The following LYPD6B variants were observed in gnomAD, a reference collection of about 807,000 sequenced individuals.
LYPD6B encodes LY6/PLAUR domain containing 6B.
LYPD6B carries 17 observed loss-of-function variants against 22.8 expected under a neutral mutation model. The ratio of observed to expected loss-of-function variants is 0.75; its 90% CI spans 0.51 to 1.12. The LOEUF (loss-of-function observed/expected upper bound fraction) is 1.12. Among genes scored for constraint, LYPD6B ranks in the 50% most tolerant of loss-of-function variants. The pLI, the probability that LYPD6B is intolerant of heterozygous loss-of-function variation, is 0.00. For missense variants in LYPD6B, 221 were observed against 258.3 expected (o/e 0.86, Z 0.99); for synonymous variants, 106 against 91.6 (o/e 1.16, Z -0.90).
intron 1 of LYPD6B, among the ~76,000 whole-genome samples, chr2:149,066,685 A>G (rs764850916): frequency 3.0e-4 from 46 of 152,024 alleles, no homozygotes; most frequent in Non-Finnish European, 7.4e-5. Flanking sequence ...TGTTGTGTAT[A>G]TGGCATAACA....
intron 3 of LYPD6B, chr2:149,187,443 C>G: frequency 6.5e-7 from 1 of 1,530,152 alleles, no homozygotes; most frequent in Non-Finnish European, 8.8e-7. Flanking sequence ...AGGCATTGTA[C>G]AGAAGAAGAT....
chr2:149,179,017 A>G (rs559905064), intron 3 of LYPD6B, among the ~76,000 whole-genome samples: 174 of 152,324 alleles, frequency 1.1e-3, no homozygotes, highest in Non-Finnish European at 2.1e-3. Flanking sequence ...TAGATTGCCA[A>G]GTTTGGGAGT....
At chr2:149,189,342 T>TTATATATATATATATATATATA (rs770703554) in intron 3 of LYPD6B, among the ~76,000 whole-genome samples, 1,597 of 64,712 alleles carry the variant, frequency 0.025, 142 homozygotes, top group East Asian at 0.048. Flanking sequence ...TTGTCCAAAA[T>TTATATATATATATATATATATA]TATATATATA....
chr2:149,125,116 T>G (rs895125536), intron 1 of LYPD6B, among the ~76,000 whole-genome samples: 6 of 152,300 alleles, frequency 3.9e-5, no homozygotes, highest in Non-Finnish European at 7.4e-5. Flanking sequence ...AAACTTTTCA[T>G]GTTGCCTCAT....
At position 149,111,619 on chromosome 2, in the gene LYPD6B, A is replaced by G. The variant is rs80122041; in HGVS notation, c.-66-19264A>G. 0.016 allele frequency among the ~76,000 whole-genome samples: 2,401 copies of G among 152,294 alleles called. 277 individuals are homozygous for G. The East Asian group carries it at 0.32, about 20-fold the overall frequency. On this transcript the variant is annotated intron_variant, in intron 1 of 6. Transcript: ENST00000409642. Reference sequence around the variant, plus strand: ...TGACATGGTGAGTTTGAGATTTTCTATAAAGTGTTAAGGAGGCAGTTGGAC... The same window carrying G: ...TGACATGGTGAGTTTGAGATTTTCTGTAAAGTGTTAAGGAGGCAGTTGGAC...
intron 1 of LYPD6B, among the ~76,000 whole-genome samples, chr2:149,048,256 G>A (rs1017699188): frequency 6.6e-5 from 10 of 152,086 alleles, no homozygotes; most frequent in Non-Finnish European, 1.0e-4. Context: ...GAATGGGCAC[G>A]CCGTTCTCTT....
chr2:149,118,454 C>T (rs1687116738), intron 1 of LYPD6B, among the ~76,000 whole-genome samples: 1 of 152,150 alleles, frequency 6.6e-6, no homozygotes, highest in Admixed American at 6.5e-5. Flanking sequence ...GCTCTCAGGG[C>T]AGAGGACACT....
intron 3 of LYPD6B, among the ~76,000 whole-genome samples, chr2:149,167,998 T>A (rs1690545386): frequency 6.6e-6 from 1 of 151,582 alleles, no homozygotes; most frequent in South Asian, 2.1e-4. Context: ...TCACTTGAGG[T>A]CAGGAGTTCA....
At chr2:149,190,434 A>G (rs1692417508) in intron 3 of LYPD6B, among the ~76,000 whole-genome samples, 1 of 152,228 alleles carries the variant, frequency 6.6e-6, no homozygotes, top group Admixed American at 6.5e-5. Context: ...GTAGAATAAA[A>G]CTAGAGTAGG....
chr2:149,177,171 G>A (rs549193757), intron 3 of LYPD6B, among the ~76,000 whole-genome samples: 10 of 152,294 alleles, frequency 6.6e-5, no homozygotes, highest in South Asian at 2.1e-4. Context: ...TAGAGAAATG[G>A]CCCCCAAACA....
intron 3 of LYPD6B, among the ~76,000 whole-genome samples, chr2:149,165,425 T>C (rs1434467079): frequency 6.6e-6 from 1 of 152,220 alleles, no homozygotes; most frequent in Non-Finnish European, 1.5e-5. Flanking sequence ...TAAAATTATT[T>C]TGTCATTTAA....
chr2:149,132,606 C>T (rs1688100261), intron 2 of LYPD6B, among the ~76,000 whole-genome samples: 1 of 151,916 alleles, frequency 6.6e-6, no homozygotes, highest in East Asian at 1.9e-4. Flanking sequence ...CTTTTTAGTG[C>T]TACTTAGCAA....
chr2:149,100,726 G>A (rs1054920342), intron 1 of LYPD6B, among the ~76,000 whole-genome samples: 5 of 152,190 alleles, frequency 3.3e-5, no homozygotes, highest in African/African-American at 1.2e-4. Flanking sequence ...GACTTGTTAA[G>A]TTGGTGGCTT....
chr2:149,149,257 G>A (rs771250079), intron 2 of LYPD6B, among the ~76,000 whole-genome samples: 1 of 152,142 alleles, frequency 6.6e-6, no homozygotes, highest in Non-Finnish European at 1.5e-5. Context: ...GTCTTCACAT[G>A]TTATTTTCTT....
chr2:149,197,973 G>A (rs946336429), intron 3 of LYPD6B, among the ~76,000 whole-genome samples: 3 of 151,892 alleles, frequency 2.0e-5, no homozygotes, highest in African/African-American at 7.3e-5. Flanking sequence ...GATAAGACAT[G>A]GCAAACCAAT....
chr2:149,061,156 G>A (rs1001034506), intron 1 of LYPD6B, among the ~76,000 whole-genome samples: 3 of 151,812 alleles, frequency 2.0e-5, no homozygotes, highest in Non-Finnish European at 2.9e-5. Flanking sequence ...GTTTCAGCAG[G>A]CATGCTCTGT....
At chr2:149,043,024 A>G (rs887775084) in intron 1 of LYPD6B, among the ~76,000 whole-genome samples, 1 of 152,224 alleles carries the variant, frequency 6.6e-6, no homozygotes, top group African/African-American at 2.4e-5. Flanking sequence ...AAATAAATGT[A>G]GAAACATGAG....
At chr2:149,158,629 G>C (rs2105870925) in intron 2 of LYPD6B, among the ~76,000 whole-genome samples, 1 of 152,278 alleles carries the variant, frequency 6.6e-6, no homozygotes, top group Non-Finnish European at 1.5e-5. Flanking sequence ...TGAATGTACT[G>C]AATGCCACTG....
intron 1 of LYPD6B, among the ~76,000 whole-genome samples, chr2:149,123,078 G>C (rs61068308): frequency 0.097 from 14,684 of 152,116 alleles, 2,061 homozygotes; most frequent in East Asian, 0.3. Context: ...ATGAAGAAAG[G>C]TTTCACAGTA....
Sources: allele counts gnomAD v4.1 joint callset (sites outside exome capture counted in the v4.1 genomes callset), GRCh38; gene constraint gnomAD v4.1.1; transcripts MANE v1.5; gene names NCBI Gene and HGNC (gene_info 2026-07-23, HGNC 2026-07-21).